Variants in RPS7 observed in about 807,000 individuals in gnomAD.
RPS7 encodes small ribosomal subunit protein eS7.
In RPS7, 1 loss-of-function variant was observed where a neutral mutation model predicts 22.1. The ratio of observed to expected loss-of-function variants is 0.05; its 90% confidence interval spans 0.02 to 0.21. The LOEUF (loss-of-function observed/expected upper bound fraction) is 0.21, where lower values mean the gene tolerates loss of function less well. Ranked by LOEUF, RPS7 falls within the 10% of genes least tolerant of loss-of-function variation. The pLI is 1.00. For missense variants in RPS7, 137 were observed against 246.4 expected (o/e 0.56, Z 2.97); for synonymous variants, 80 against 92.0 (o/e 0.87, Z 0.74).
chr2:3,575,924 C>T lies in RPS7; in HGVS notation c.147+36C>T, dbSNP rs572766021. The stretch of plus-strand genomic sequence containing the variant: ...GCTCCCTCGGCTGGGAGGGAGGTTG[C>T]GGCGCGTCTCCCCGCGCAGTGCCTG... On this transcript the variant is annotated intron_variant, in intron 3 of 6. Coordinates refer to ENST00000645674, the MANE Select transcript of RPS7 (RefSeq NM_001011.4). 4.7e-6 allele frequency: 7 copies of T among 1,477,190 alleles called. No individual in the cohort carries two copies. The East Asian group carries it at 7.0e-5, about 15-fold the overall frequency. The allele number at this position is 1,477,190 out of a possible 1,614,324, so 91.5% of individuals were successfully genotyped here.
rs778598957 is a variant in RPS7, at chr2:3,576,510, G to C, written c.171G>C (p.Arg57=). The change falls in exon 4 of 7, where the codon CGG becomes CGC. Residue 57 remains arginine, a synonymous_variant. Transcript: ENST00000645674. ...AGGAAATTGAAGTTGGTGGTGGTCG[G>C]AAAGCTATCATAATCTTTGTTCCCG... The part of the protein sequence containing the change: ...AAKEIEVGGG[R]KAIIIFVPVP... The C allele has an allele frequency of 1.2e-6, 2 of 1,614,014 alleles. No homozygotes were observed. Among genetic ancestry groups the C allele is most frequent in the South Asian group, 1.1e-5 (1 of 91,078 alleles).
intron 5 of RPS7, 115 bp downstream of exon 5, chr2:3,577,889 C>T (rs1342460084): frequency 4.0e-6 from 3 of 743,206 alleles, no homozygotes; most frequent in Non-Finnish European, 7.2e-6. Flanking sequence ...TGAGTAGCAG[C>T]ATTTGGTTTC....
chr2:3,576,753 A>G, intron 4 of RPS7, 123 bp downstream of exon 4: 2 of 1,230,998 alleles, frequency 1.6e-6, no homozygotes, highest in Non-Finnish European at 2.4e-6. Context: ...TTGGGTAGAA[A>G]GATAAAGTAC....
At chr2:3,576,698 G>T (rs768541490) in intron 4 of RPS7, 68 bp downstream of exon 4, 2 of 1,516,558 alleles carry the variant, frequency 1.3e-6, no homozygotes, top group Non-Finnish European at 1.8e-6. Flanking sequence ...TATTTAGACT[G>T]CATTGGTAGT....
intron 5 of RPS7, chr2:3,578,284 TCTTGAA>T (rs1661331412): frequency 1.9e-5 from 3 of 156,320 alleles, no homozygotes; most frequent in Admixed American, 1.9e-4. Flanking sequence ...GTAGTTGTCT[TCTTGAA>T]CTAGATCTTT....
intron 5 of RPS7, 146 bp downstream of exon 5, chr2:3,577,920 C>T (rs1427638635): frequency 4.6e-6 from 3 of 645,654 alleles, no homozygotes; most frequent in Non-Finnish European, 8.4e-6. Flanking sequence ...GCACATGATA[C>T]GTTTTAGAAT....
intron 5 of RPS7, chr2:3,579,580 A>C (rs1263488427): frequency 1.2e-5 from 2 of 172,022 alleles, no homozygotes; most frequent in African/African-American, 4.8e-5. Flanking sequence ...CTCATTTGTT[A>C]GGTGGCAGGT....
chr2:3,577,069 C>G, intron 4 of RPS7: 2 of 255,924 alleles, frequency 7.8e-6, no homozygotes, highest in Non-Finnish European at 1.5e-5. Context: ...GGCCCTGTGG[C>G]TCACTCCTGT....
At chr2:3,577,599 T>C in intron 4 of RPS7, 111 bp from the exon 5 acceptor site, 1 of 806,588 alleles carries the variant, frequency 1.2e-6, no homozygotes, top group Non-Finnish European at 2.1e-6. Context: ...CTTCTCGAAC[T>C]TTGAACTTAC....
rs762863264 is a variant in RPS7, at chr2:3,575,908, G to A, written c.147+20G>A. On this transcript the variant is annotated intron_variant, in intron 3 of 6. Transcript: ENST00000645674. ...GCTAAGGTAAGCTGGCGCTCCCTCG[G>A]CTGGGAGGGAGGTTGCGGCGCGTCT... 2.5e-6 allele frequency: 4 copies of A among 1,571,132 alleles called. No homozygotes were observed. The highest frequency in any genetic ancestry group is 1.7e-6 in the Non-Finnish European group (2 of 1,147,658).
At chr2:3,576,283 GTC>G (rs969071037) in intron 3 of RPS7, 68 of 650,950 alleles carry the variant, frequency 1.0e-4, no homozygotes, top group African/African-American at 1.0e-3. Context: ...GGCCTGAACA[GTC>G]TCCCTTCCTG....
chr2:3,576,021 C>G lies in RPS7; in HGVS notation c.147+133C>G. 2 of 750,384 alleles carry G rather than the reference C, an allele frequency of 2.7e-6. 1 individual carries two copies. Among genetic ancestry groups the G allele is most frequent in the South Asian group, 3.1e-5 (2 of 65,220 alleles). 46.5% of individuals were successfully genotyped at this position (750,384 alleles called of 1,614,324 possible). On this transcript the variant is annotated intron_variant, in intron 3 of 6. Transcript: ENST00000645674. ...CGCCTAACCTGAACTCAGGTTCGGC[C>G]GTGTTGTTTGGGAGTGATACCGCCC...
intron 2 of RPS7, 29 bp downstream of exon 2, chr2:3,575,713 G>T (rs759880053): frequency 8.1e-6 from 13 of 1,601,696 alleles, no homozygotes; most frequent in Middle Eastern, 2.1e-4. Context: ...GGTCTGGGGT[G>T]GGGGGAGGCG....
At chr2:3,576,169 T>C (rs1362452706) in intron 3 of RPS7, 5 of 591,986 alleles carry the variant, frequency 8.4e-6, no homozygotes, top group Non-Finnish European at 1.2e-5. Context: ...TACTTAGTTA[T>C]AGATACGGCA....
At chr2:3,575,734 G>A (rs1165474088) in intron 2 of RPS7, 50 bp downstream of exon 2, 6 of 1,596,922 alleles carry the variant, frequency 3.8e-6, no homozygotes, top group Non-Finnish European at 5.1e-6. Context: ...CCCCGCCCGG[G>A]AGGGGAGGCG....
At chr2:3,578,000 G>A in intron 5 of RPS7, 1 of 569,702 alleles carries the variant, frequency 1.8e-6, no homozygotes, top group Non-Finnish European at 3.1e-6. Context: ...GTCACAAGAT[G>A]AGATGATTTC....
At position 3,580,892 on chromosome 2, in the gene RPS7, A is replaced by T. The variant is rs1183857319; in HGVS notation, c.*10A>T. The T allele has an allele frequency of 7.0e-7, 1 of 1,434,946 alleles. No homozygotes were observed. The highest frequency in any genetic ancestry group is 1.1e-5 in the South Asian group (1 of 87,568). The allele number at this position is 1,434,946 out of a possible 1,614,324, so 88.9% of individuals were successfully genotyped here. On this transcript the variant is annotated 3_prime_UTR_variant, in exon 7 of 7. Coordinates refer to ENST00000645674, the MANE Select transcript of RPS7 (RefSeq NM_001011.4). The stretch of plus-strand genomic sequence containing the variant: ...AGAGTTTCAATTGTAAACAAAAATG[A>T]CTAAATAAAAAGTATATATTCACAG...
At position 3,576,622 on chromosome 2, in the gene RPS7, A is replaced by G. The variant is rs1272108430; in HGVS notation, c.283A>G (p.Ile95Val). ...GTTCAGTGGGAAGCATGTCGTCTTT[A>G]TCGCTCAGGTATCTGTTCTACTGTT... is the stretch of plus-strand genomic sequence containing the variant. Reference protein sequence around the residue: ...KKFSGKHVVFIAQRRILPKPT... With the variant: ...KKFSGKHVVFVAQRRILPKPT... Residue 95 changes from isoleucine (I) to valine (V), a missense_variant, in exon 4 of 7, where the codon ATC becomes GTC. Physicochemically the swap from Ile to Val is conservative, Grantham distance 29. This residue lies in a region of RPS7 where 74 missense variants were observed against 171.4 expected (regional missense o/e 0.43). Transcript: ENST00000645674. 6.2e-7 allele frequency: 1 copy of G among 1,614,110 alleles called. No homozygotes were observed. The highest frequency in any genetic ancestry group is 8.5e-7 in the Non-Finnish European group (1 of 1,180,048).
At chr2:3,580,398 T>C in intron 6 of RPS7, 138 bp downstream of exon 6, 2 of 775,866 alleles carry the variant, frequency 2.6e-6, no homozygotes, top group Non-Finnish European at 4.6e-6. Flanking sequence ...TTCAGCCTGC[T>C]CTCCTTTGGA....
Sources: allele counts gnomAD v4.1 joint callset, GRCh38; gene constraint gnomAD v4.1.1; regional missense constraint gnomAD v4.1.1; transcripts MANE v1.5; gene names NCBI Gene and HGNC (gene_info 2026-07-23, HGNC 2026-07-21).